Variants in ATP6V0D1 observed in about 807,000 individuals in gnomAD.
ATP6V0D1 encodes the protein ATPase H+ transporting V0 subunit d1.
A neutral mutation model predicts 39.0 loss-of-function variants in ATP6V0D1; 13 were observed. The observed-to-expected ratio is 0.33, with a 90% CI of 0.22 to 0.53. The LOEUF (loss-of-function observed/expected upper bound fraction) is 0.53. ATP6V0D1 is among the 20% of genes least tolerant of loss of function. ATP6V0D1 has a pLI of 0.94. For missense variants in ATP6V0D1, 272 were observed against 470.9 expected (o/e 0.58, Z 3.91); for synonymous variants, 191 against 191.2 (o/e 1.00, Z 0.01).
chr16:67,444,868 A>G lies in ATP6V0D1; in HGVS notation c.303-162T>C, dbSNP rs1383370037. Among the ~76,000 whole-genome samples the G allele has an allele frequency of 1.3e-5, 2 of 151,912 alleles. No individual in the cohort carries two copies. The highest frequency in any genetic ancestry group is 2.9e-5 in the Non-Finnish European group (2 of 67,954). ...GCACCAGTGTCTCCTCTCCCTCCCC[A>G]TGTTCCTCTCAAGCTTCTGACCACC... On this transcript the variant is annotated intron_variant, in intron 2 of 7. Transcript: ENST00000290949. The surrounding 1 kb of genome is among the most constrained non-coding windows in gnomAD (Gnocchi z 4.8).
chr16:67,481,061 A>C lies in ATP6V0D1; in HGVS notation c.26T>G (p.Phe9Cys). MSFFPELY[F>C]NVDNGYLEGL... is the part of the protein sequence containing the mutation. ...CTCCAAGTAGCCATTGTCCACGTTA[A>C]AGTAAAGCTCCGGGAAGAACGACAT... The change falls in exon 1 of 8, where the codon TTT becomes TGT. Residue 9 changes from phenylalanine to cysteine, a missense_variant. Physicochemically the swap from Phe to Cys is radical, Grantham distance 205 (BLOSUM62 -2). Transcript: ENST00000290949. The C allele has an allele frequency of 6.2e-7, 1 of 1,614,140 alleles. No individual in the cohort carries two copies. Among genetic ancestry groups the C allele is most frequent in the South Asian group, 1.1e-5 (1 of 91,090 alleles).
intron 2 of ATP6V0D1, among the ~76,000 whole-genome samples, chr16:67,446,970 T>C (rs2041124225): frequency 6.6e-6 from 1 of 152,074 alleles, no homozygotes; most frequent in South Asian, 2.1e-4. Context: ...CACGTCCCCA[T>C]GGCCAATGTC....
chr16:67,439,583 C>T (rs2142295044), intron 4 of ATP6V0D1: 4 of 580,612 alleles, frequency 6.9e-6, no homozygotes, highest in Non-Finnish European at 6.2e-6. Context: ...GGGCAGGGCC[C>T]ACCCGACTGT....
At chr16:67,463,266 C>T (rs2041303210) in intron 1 of ATP6V0D1, among the ~76,000 whole-genome samples, 1 of 152,168 alleles carries the variant, frequency 6.6e-6, no homozygotes, top group Admixed American at 6.5e-5. Flanking sequence ...CGTGGTGGCT[C>T]ATGCCTGTAA....
chr16:67,453,570 T>C lies in ATP6V0D1; in HGVS notation c.276A>G (p.Pro92=). 6.2e-7 allele frequency: 1 copy of C among 1,614,124 alleles called. No individual in the cohort carries two copies. Among genetic ancestry groups the C allele is most frequent in the Non-Finnish European group, 8.5e-7 (1 of 1,180,014 alleles). The stretch of plus-strand genomic sequence containing the variant: ...TAATGAAGTCTAGGAAGCTGGCGAG[T>C]GGCTCATAGGCATGGTTCCTCATGT... The part of the protein sequence containing the change: ...FRHMRNHAYE[P]LASFLDFITY... Residue 92 remains proline, a synonymous_variant, in exon 2 of 8, where the codon CCA becomes CCG. Transcript: ENST00000290949. The surrounding 1 kb of genome is among the most constrained non-coding windows in gnomAD (Gnocchi z 4.1).
chr16:67,442,842 G>A (rs1234716371), intron 4 of ATP6V0D1, among the ~76,000 whole-genome samples: 2 of 152,200 alleles, frequency 1.3e-5, no homozygotes, highest in Admixed American at 6.5e-5. Context: ...GGAGCCAGCT[G>A]TAACAGGCCA....
At chr16:67,479,173 G>A (rs182798011) in intron 1 of ATP6V0D1, among the ~76,000 whole-genome samples, 45 of 151,730 alleles carry the variant, frequency 3.0e-4, no homozygotes, top group African/African-American at 9.4e-4. Flanking sequence ...TCTTGCAGAT[G>A]TACGTTAACA....
intron 1 of ATP6V0D1, among the ~76,000 whole-genome samples, chr16:67,462,434 TGAGTTTGCCTGGGCATGAGTAA>T (rs2041295934): frequency 6.6e-6 from 1 of 152,224 alleles, no homozygotes; most frequent in South Asian, 2.1e-4. Context: ...CCCAAAGATG[TGAGTTTGCCTGGGCATGAGTAA>T]GAGGTAAAGT....
intron 2 of ATP6V0D1, among the ~76,000 whole-genome samples, chr16:67,450,548 G>T (rs1453977741): frequency 1.3e-5 from 2 of 152,130 alleles, no homozygotes; most frequent in Admixed American, 6.5e-5. Context: ...GGGGGCTGGG[G>T]GGTGGACACC....
intron 1 of ATP6V0D1, among the ~76,000 whole-genome samples, chr16:67,475,723 T>C (rs997264276): frequency 1.3e-5 from 2 of 152,240 alleles, no homozygotes; most frequent in Non-Finnish European, 2.9e-5. Flanking sequence ...AGCTGTTTGC[T>C]TCTCTGTATT....
At chr16:67,457,621 C>T in intron 1 of ATP6V0D1, 2 of 1,289,474 alleles carry the variant, frequency 1.6e-6, no homozygotes, top group Middle Eastern at 2.1e-4. Flanking sequence ...GGGACAAGTC[C>T]CTCTGGCATC....
intron 1 of ATP6V0D1, among the ~76,000 whole-genome samples, chr16:67,466,129 A>G (rs1017587197): frequency 6.6e-6 from 1 of 152,078 alleles, no homozygotes; most frequent in Non-Finnish European, 1.5e-5. Flanking sequence ...CCAGTCATCA[A>G]CCTCTGAGGG....
chr16:67,479,733 T>C (rs2041448611), intron 1 of ATP6V0D1, among the ~76,000 whole-genome samples: 1 of 152,114 alleles, frequency 6.6e-6, no homozygotes, highest in Non-Finnish European at 1.5e-5. Flanking sequence ...CCCACCCAGC[T>C]ACCAATTACG....
chr16:67,445,873 A>T (rs1364301233), intron 2 of ATP6V0D1: 2 of 454,398 alleles, frequency 4.4e-6, no homozygotes, highest in Non-Finnish European at 8.9e-6. Flanking sequence ...AGTAGCCACA[A>T]CTATCCTCCA....
At position 67,456,190 on chromosome 16, in the gene ATP6V0D1, G is replaced by C. The variant is rs1434499993; in HGVS notation, c.131-2475C>G. On this transcript the variant is annotated intron_variant, in intron 1 of 7. Coordinates refer to ENST00000290949, the MANE Select transcript of ATP6V0D1 (RefSeq NM_004691.5). The surrounding 1 kb of genome is among the most constrained non-coding windows in gnomAD (Gnocchi z 4.1). ...TTTTTTTTATTTTTAGTAGAGACGG[G>C]GTTTCACTATGTTGGCCAGGCTGGT... 6.6e-6 allele frequency: 1 copy of C among 151,938 alleles called. No individual in the cohort carries two copies. The highest frequency in any genetic ancestry group is 1.5e-5 in the Non-Finnish European group (1 of 68,016). 9.4% of individuals were successfully genotyped at this position (151,938 alleles called of 1,614,324 possible). A position where few individuals can be genotyped will look rare whatever the true frequency, so the allele number is the denominator to read the frequency against.
intron 1 of ATP6V0D1, among the ~76,000 whole-genome samples, chr16:67,457,888 G>A (rs947642195): frequency 3.3e-5 from 5 of 152,216 alleles, no homozygotes; most frequent in African/African-American, 1.2e-4. Flanking sequence ...AAACCCGGGA[G>A]ACTCTACTGA....
intron 1 of ATP6V0D1, among the ~76,000 whole-genome samples, chr16:67,474,774 C>G (rs908465664): frequency 3.3e-5 from 5 of 152,150 alleles, no homozygotes; most frequent in African/African-American, 9.7e-5. Context: ...CCAAAAATAG[C>G]CTTCATATCT....
chr16:67,452,271 A>G (rs1442289567), intron 2 of ATP6V0D1: 6 of 1,535,570 alleles, frequency 3.9e-6, no homozygotes, highest in Non-Finnish European at 5.2e-6. Context: ...GGAGACTCTC[A>G]GGAAAGGAGG....
chr16:67,458,021 T>C (rs1381058075), intron 1 of ATP6V0D1, among the ~76,000 whole-genome samples: 5 of 152,098 alleles, frequency 3.3e-5, no homozygotes, highest in Non-Finnish European at 5.9e-5. Context: ...CATCTCCCTG[T>C]GACCCAGGGA....
Sources: gnomAD v4.1 joint callset for allele counts (sites outside exome capture counted in the v4.1 genomes callset) on GRCh38, gnomAD v4.1.1 for gene constraint, Gnocchi (gnomAD v3.1) non-coding constraint, MANE v1.5 for transcripts, NCBI Gene and HGNC (gene_info 2026-07-23, HGNC 2026-07-21) for gene names.